The following SALL2 variants were observed in gnomAD, a reference collection of about 807,000 sequenced individuals.
The protein encoded by SALL2 is sal-like protein 2.
Under a neutral mutation model 58.5 loss-of-function variants are expected in SALL2, and 32 were observed. That is an observed-to-expected ratio of 0.55 (90% CI 0.41 to 0.74). SALL2 has a LOEUF of 0.74. Among genes scored for constraint, SALL2 ranks in the 30% least tolerant of loss-of-function variants. The pLI is 0.00. For missense variants in SALL2, 1,201 were observed against 1,268.9 expected (o/e 0.95, Z 0.81); for synonymous variants, 516 against 513.6 (o/e 1.00, Z -0.06).
rs148918122 is a variant in SALL2, at chr14:21,525,412, C to A, written c.310G>T (p.Val104Leu). 5.6e-6 allele frequency: 9 copies of A among 1,613,966 alleles called. No homozygotes were observed. The highest frequency in any genetic ancestry group is 2.2e-5 in the South Asian group (2 of 91,068). The change falls in exon 2 of 2, where the codon GTG (valine) becomes TTG (leucine). Residue 104 changes from valine (V) to leucine (L), a missense_variant. Val to Leu is a conservative substitution (Grantham distance 32). Transcript: ENST00000537235. The surrounding 1 kb of genome is among the most constrained non-coding windows in gnomAD (Gnocchi z 4.4). Reference sequence around the variant, plus strand: ...GGGCCCCAGGTGGGATCCGTGGGCACGGAGGACCCAGAATCTGGGGGGTTG... The same window carrying A: ...GGGCCCCAGGTGGGATCCGTGGGCAAGGAGGACCCAGAATCTGGGGGGTTG... ...HSNPPDSGSS[V>L]PTDPTWGPER...
rs1281729301 is a variant in SALL2 at position 21,525,053 on chromosome 14, C to T, written c.669G>A (p.Glu223=). Residue 223 remains glutamate (E), a synonymous_variant, in exon 2 of 2, where the codon GAG becomes GAA. Transcript: ENST00000537235. This position sits in a 1 kb window ranked among gnomAD's most constrained non-coding sequence, Gnocchi z 4.4. ...AAGAGGCAGTCCCTGTCCCAGGTAG[C>T]TCTGAGGGACTGGCAGGGGCACCCA... ...QTVGAPASPS[E]LPGTGTASST... The T allele has an allele frequency of 1.2e-6, 2 of 1,613,878 alleles. No homozygotes were observed. The highest frequency in any genetic ancestry group is 2.7e-5 in the African/African-American group (2 of 74,900).
chr14:21,531,761 C>A (rs1329286187), intron 1 of SALL2, among the ~76,000 whole-genome samples: 1 of 63,514 alleles, frequency 1.6e-5, no homozygotes, highest in African/African-American at 4.7e-5. Context: ...GGCTGGAGTG[C>A]AATGGTCGCC....
At chr14:21,532,505 G>A (rs1250982244) in intron 1 of SALL2, among the ~76,000 whole-genome samples, 1 of 152,180 alleles carries the variant, frequency 6.6e-6, no homozygotes, top group Admixed American at 6.5e-5. Context: ...GCCAGGTGTG[G>A]TGGCATGCAC....
chr14:21,530,066 C>T (rs377194534), upstream of SALL2, among the ~76,000 whole-genome samples: 121 of 152,214 alleles, frequency 7.9e-4, no homozygotes, highest in South Asian at 6.9e-3. Context: ...GCTAAATCTT[C>T]CCATCAGGTC....
In SALL2 at chr14:21,525,601, A is replaced by T. The variant is rs1241623078; in HGVS notation, c.121T>A (p.Phe41Ile). 1 of 1,609,472 alleles carries T rather than the reference A, an allele frequency of 6.2e-7. No individual in the cohort carries two copies. The highest frequency in any genetic ancestry group is 2.2e-5 in the East Asian group (1 of 44,864). ...GCGAGGAATTCAGTTGGGTCAGTGA[A>T]TTGTGCGCAGCACTTGGCACAGACT... ...PQVCAKCCAQ[F>I]TDPTEFLAHQ... The change falls in exon 2 of 2, where the codon TTC becomes ATC. Residue 41 changes from phenylalanine to isoleucine, a missense_variant. Phe to Ile is a conservative substitution (Grantham distance 21, BLOSUM62 0). Around this residue, in one of 3 missense-constraint regions of SALL2, gnomAD observed 467 missense variants for 468.9 expected, o/e 1.00. Transcript: ENST00000537235. This position sits in a 1 kb window ranked among gnomAD's most constrained non-coding sequence, Gnocchi z 4.4.
chr14:21,523,381 G>A lies in SALL2; in HGVS notation c.2341C>T (p.Leu781=), dbSNP rs1892129363. 1 of 1,613,592 alleles carries A rather than the reference G, an allele frequency of 6.2e-7. No homozygotes were observed. Residue 781 remains leucine (L), a synonymous_variant, in exon 2 of 2, where the codon CTG becomes TTG. Coordinates refer to ENST00000537235, the MANE Select transcript of SALL2 (RefSeq NM_001364564.1). The surrounding 1 kb of genome is among the most constrained non-coding windows in gnomAD (Gnocchi z 4.4). ...CCACTCTCTGAGCCTCTCCCTGCCA[G>A]GGAATCTTCATCAGTCACATCTTCC... ...EEEDVTDEDS[L]AGRGSESGGE... is the part of the protein sequence containing the mutation.
chr14:21,523,320 T>C lies in SALL2; in HGVS notation c.2402A>G (p.Glu801Gly). 6.2e-7 allele frequency: 1 copy of C among 1,613,734 alleles called. No homozygotes were observed. Among genetic ancestry groups the C allele is most frequent in the Non-Finnish European group, 8.5e-7 (1 of 1,180,034 alleles). Residue 801 changes from glutamate (E) to glycine (G), a missense_variant, in exon 2 of 2, where the codon GAA (glutamate) becomes GGA (glycine). Around this residue, in one of 3 missense-constraint regions of SALL2, gnomAD observed 675 missense variants for 683.8 expected, o/e 0.99. Transcript: ENST00000537235. The surrounding 1 kb of genome is among the most constrained non-coding windows in gnomAD (Gnocchi z 4.4). ...CTCCTCCTCTGCCCCAGATGCCTCTTCTGAATCACCTCTCACTGATATTGC... is the reference window on the plus strand; with the variant it reads ...CTCCTCCTCTGCCCCAGATGCCTCTCCTGAATCACCTCTCACTGATATTGC... ...EKAISVRGDS[E>G]EASGAEEEVG...
intron 1 of SALL2, among the ~76,000 whole-genome samples, chr14:21,536,681 C>T (rs1484783058): frequency 1.3e-5 from 2 of 152,210 alleles, no homozygotes; most frequent in Non-Finnish European, 2.9e-5. Flanking sequence ...CGGGGCTTCT[C>T]CCCAGCGCAG....
chr14:21,523,377 G>A lies in SALL2; in HGVS notation c.2345C>T (p.Ala782Val), dbSNP rs932347651. ...ACCTCCACTCTCTGAGCCTCTCCCT[G>A]CCAGGGAATCTTCATCAGTCACATC... ...EEDVTDEDSL[A>V]GRGSESGGEK... is the part of the protein sequence containing the mutation. The change falls in exon 2 of 2, where the codon GCA (alanine) becomes GTA (valine). Residue 782 changes from alanine to valine, a missense_variant. Transcript: ENST00000537235. This position sits in a 1 kb window ranked among gnomAD's most constrained non-coding sequence, Gnocchi z 4.4. The A allele has an allele frequency of 6.2e-7, 1 of 1,613,496 alleles. No homozygotes were observed.
chr14:21,522,786 G>A lies in SALL2; in HGVS notation c.2936C>T (p.Ser979Phe), dbSNP rs1431119054. ...GGAAGGCGAACAGCCAGGGACTAGA[G>A]AAAGAGCAGCAATATTCTGAGGGCC... ...PHGPQNIAAL[S>F]LVPGCSPSIT... is the part of the protein sequence containing the mutation. The change falls in exon 2 of 2, where the codon TCT becomes TTT. Residue 979 changes from serine (S) to phenylalanine (F), a missense_variant. Coordinates refer to ENST00000537235, the MANE Select transcript of SALL2 (RefSeq NM_001364564.1). 1 of 1,595,764 alleles carries A rather than the reference G, an allele frequency of 6.3e-7. No homozygotes were observed. The highest frequency in any genetic ancestry group is 8.5e-7 in the Non-Finnish European group (1 of 1,172,308).
At chr14:21,530,121 C>A (rs1473700380), upstream of SALL2, among the ~76,000 whole-genome samples, 2 of 152,120 alleles carry the variant, frequency 1.3e-5, no homozygotes, top group Non-Finnish European at 2.9e-5. Flanking sequence ...TCCTTGTATC[C>A]TTTCCCAGTG....
chr14:21,522,190 T>C lies in SALL2; in HGVS notation c.*514A>G. The C allele has an allele frequency of 6.3e-7, 1 of 1,597,548 alleles. No individual in the cohort carries two copies. The highest frequency in any genetic ancestry group is 8.5e-7 in the Non-Finnish European group (1 of 1,179,562). Reference sequence around the variant, plus strand: ...CTTGGAGTGGTAGTGGAGGTGGAGCTGGAATTCCAGGGCTTCATGGGCAGG... The same window carrying C: ...CTTGGAGTGGTAGTGGAGGTGGAGCCGGAATTCCAGGGCTTCATGGGCAGG... On this transcript the variant is annotated 3_prime_UTR_variant, in exon 2 of 2. Coordinates refer to ENST00000537235, the MANE Select transcript of SALL2 (RefSeq NM_001364564.1).
chr14:21,534,492 T>C (rs10140533), intron 1 of SALL2, among the ~76,000 whole-genome samples: 37,042 of 152,080 alleles, frequency 0.24, 5,471 homozygotes, highest in East Asian at 0.46. Flanking sequence ...TGCCCCCAGG[T>C]GGAAGCTATA....
chr14:21,524,910 G>T lies in SALL2; in HGVS notation c.812C>A (p.Ala271Asp), dbSNP rs765988175. 3 of 1,614,196 alleles carry T rather than the reference G, an allele frequency of 1.9e-6. No homozygotes were observed. The highest frequency in any genetic ancestry group is 2.2e-5 in the East Asian group (1 of 44,880). Residue 271 changes from alanine (A) to aspartate (D), a missense_variant, in exon 2 of 2, where the codon GCC (alanine) becomes GAC (aspartate). By Grantham distance (126) the Ala-to-Asp change is moderately radical (BLOSUM62 -2). Around this residue, in one of 3 missense-constraint regions of SALL2, gnomAD observed 467 missense variants for 468.9 expected, o/e 1.00. Coordinates refer to ENST00000537235, the MANE Select transcript of SALL2 (RefSeq NM_001364564.1). Reference sequence around the variant, plus strand: ...CAGTGGGTGGTAAAGGTGGAAGAAGGCCTGCTTGGGCGTTTCTGCCCCTGA... The same window carrying T: ...CAGTGGGTGGTAAAGGTGGAAGAAGTCCTGCTTGGGCGTTTCTGCCCCTGA... ...SSSGAETPKQ[A>D]FFHLYHPLGS...
At chr14:21,529,274 G>A (rs1426496962), upstream of SALL2, among the ~76,000 whole-genome samples, 2 of 152,150 alleles carry the variant, frequency 1.3e-5, no homozygotes, top group South Asian at 2.1e-4. Context: ...TGCAAAGTCC[G>A]GGGTGGGACT....
At chr14:21,536,136 C>T (rs752775400) in intron 1 of SALL2, among the ~76,000 whole-genome samples, 1 of 152,222 alleles carries the variant, frequency 6.6e-6, no homozygotes, top group Non-Finnish European at 1.5e-5. Context: ...ATAAGGGACA[C>T]CTGTTGCTTC....
At chr14:21,530,285 T>C (rs375037803), upstream of SALL2, among the ~76,000 whole-genome samples, 44 of 70,666 alleles carry the variant, frequency 6.2e-4, no homozygotes, top group South Asian at 7.1e-3. Context: ...TTCTTTCTTT[T>C]TTTTTTTTTT....
At position 21,523,064 on chromosome 14, in the gene SALL2, C is replaced by A. The variant is rs769971342; in HGVS notation, c.2658G>T (p.Val886=). ...GCAGGCTCAGCTCCTCTACCAAGGTCACGCTGGTGGCTTCCCCTTCTGGGG... is the reference window on the plus strand; with the variant it reads ...GCAGGCTCAGCTCCTCTACCAAGGTAACGCTGGTGGCTTCCCCTTCTGGGG... ...ALTPEGEATS[V]TLVEELSLQE... Residue 886 remains valine, a synonymous_variant, in exon 2 of 2, where the codon GTG becomes GTT. Coordinates refer to ENST00000537235, the MANE Select transcript of SALL2 (RefSeq NM_001364564.1). This position sits in a 1 kb window ranked among gnomAD's most constrained non-coding sequence, Gnocchi z 4.4. The A allele has an allele frequency of 3.1e-6, 5 of 1,614,156 alleles. No homozygotes were observed. The highest frequency in any genetic ancestry group is 4.2e-6 in the Non-Finnish European group (5 of 1,180,028).
In SALL2 at chr14:21,523,659, T is replaced by C; in HGVS notation, c.2063A>G (p.Gln688Arg). 2 of 1,614,254 alleles carry C rather than the reference T, an allele frequency of 1.2e-6. No homozygotes were observed. The highest frequency in any genetic ancestry group is 1.7e-6 in the Non-Finnish European group (2 of 1,180,046). Reference protein sequence around the residue: ...GHKASPAARAQNSCPICQKKF... With the variant: ...GHKASPAARARNSCPICQKKF... The stretch of plus-strand genomic sequence containing the variant: ...CTTCTGGCAGATGGGGCAGGAATTC[T>C]GTGCCCGGGCAGCTGGACTGGCCTT... Residue 688 changes from glutamine (Q) to arginine (R), a missense_variant, in exon 2 of 2, where the codon CAG (glutamine) becomes CGG (arginine). Coordinates refer to ENST00000537235, the MANE Select transcript of SALL2 (RefSeq NM_001364564.1). The surrounding 1 kb of genome is among the most constrained non-coding windows in gnomAD (Gnocchi z 4.4).
Sources: gnomAD v4.1 joint callset for allele counts (sites outside exome capture counted in the v4.1 genomes callset) on GRCh38, gnomAD v4.1.1 for gene constraint, gnomAD v4.1.1 regional missense constraint, Gnocchi (gnomAD v3.1) non-coding constraint, MANE v1.5 for transcripts, NCBI Gene and HGNC (gene_info 2026-07-23, HGNC 2026-07-21) for gene names.